VTI1A: variants seen among roughly 807,000 people sequenced by gnomAD.
VTI1A encodes vesicle transport through interaction with t-SNAREs 1A, also known as vesicle transport through interaction with t-SNAREs homolog 1A.
VTI1A carries 22 observed loss-of-function variants against 34.9 expected under a neutral mutation model. The observed-to-expected ratio is 0.63, with a 90% CI of 0.45 to 0.90. VTI1A has a LOEUF of 0.90. VTI1A is among the 40% of genes least tolerant of loss of function. The pLI, the probability that VTI1A is intolerant of heterozygous loss-of-function variation, is 0.00. For missense variants in VTI1A, 268 were observed against 275.6 expected (o/e 0.97, Z 0.20); for synonymous variants, 87 against 97.3 (o/e 0.89, Z 0.62).
At chr10:112,549,019 T>C in intron 5 of VTI1A, 1 of 600,086 alleles carries the variant, frequency 1.7e-6, no homozygotes, top group Admixed American at 2.9e-5. Context: ...ATATTTTGAG[T>C]GTTCACTGTG....
intron 7 of VTI1A, among the ~76,000 whole-genome samples, chr10:112,720,241 C>T (rs1564898536): frequency 6.6e-6 from 1 of 152,218 alleles, no homozygotes; most frequent in Non-Finnish European, 1.5e-5. Flanking sequence ...AGTAGAATTG[C>T]TGGGTCATGT....
At chr10:112,770,691 C>G (rs929281037) in intron 7 of VTI1A, among the ~76,000 whole-genome samples, 6 of 152,054 alleles carry the variant, frequency 3.9e-5, no homozygotes, top group Non-Finnish European at 7.4e-5. Context: ...CAGGCTTGAG[C>G]CACGGCACCT....
chr10:112,624,819 G>T (rs1306823845), intron 5 of VTI1A, among the ~76,000 whole-genome samples: 1 of 152,132 alleles, frequency 6.6e-6, no homozygotes, highest in Non-Finnish European at 1.5e-5. Context: ...ATTAAGGGCC[G>T]GGCATGGTAG....
intron 7 of VTI1A, among the ~76,000 whole-genome samples, chr10:112,689,348 TGTTAAC>T (rs1249359715): frequency 6.6e-6 from 1 of 152,166 alleles, no homozygotes; most frequent in Non-Finnish European, 1.5e-5. Context: ...CCTGGTCATG[TGTTAAC>T]CAAGTGTAAT....
intron 5 of VTI1A, among the ~76,000 whole-genome samples, chr10:112,630,844 A>G (rs986913471): frequency 2.0e-5 from 3 of 152,174 alleles, no homozygotes; most frequent in Admixed American, 6.5e-5. Flanking sequence ...GAAGGCAGCC[A>G]AGTGCGGTGG....
intron 7 of VTI1A, among the ~76,000 whole-genome samples, chr10:112,708,636 G>T (rs909488756): frequency 1.3e-5 from 2 of 152,170 alleles, no homozygotes; most frequent in Non-Finnish European, 2.9e-5. Context: ...CAGTATCTTT[G>T]ACAGAAGCGA....
intron 3 of VTI1A, among the ~76,000 whole-genome samples, chr10:112,515,981 G>A (rs1052282900): frequency 2.6e-5 from 4 of 152,054 alleles, no homozygotes; most frequent in Non-Finnish European, 5.9e-5. Flanking sequence ...AAATTGCTGT[G>A]TTTTGTTTTT....
chr10:112,647,599 G>A (rs1358796229), intron 5 of VTI1A, among the ~76,000 whole-genome samples: 2 of 152,138 alleles, frequency 1.3e-5, no homozygotes, highest in Non-Finnish European at 2.9e-5. Flanking sequence ...TATGATATGT[G>A]TGGACTATAT....
At chr10:112,844,457 G>A in the VTI1A span, among the ~76,000 whole-genome samples, 2 of 152,202 alleles carry the variant, frequency 1.3e-5, no homozygotes, top group African/African-American at 2.4e-5. Flanking sequence ...TGGAGTCAGT[G>A]GTTCAATCTC....
chr10:112,654,014 A>G (rs921696372), intron 5 of VTI1A, among the ~76,000 whole-genome samples: 2 of 152,164 alleles, frequency 1.3e-5, no homozygotes, highest in Admixed American at 6.6e-5. Flanking sequence ...TAAATTCCCT[A>G]TTGTACTTAG....
At chr10:112,546,909 G>A (rs1851152722) in intron 5 of VTI1A, among the ~76,000 whole-genome samples, 1 of 152,036 alleles carries the variant, frequency 6.6e-6, no homozygotes. Context: ...TTTCTATGAA[G>A]GCTATCTCTT....
intron 3 of VTI1A, among the ~76,000 whole-genome samples, chr10:112,523,967 A>G (rs956984599): frequency 1.3e-5 from 2 of 152,134 alleles, no homozygotes; most frequent in African/African-American, 4.8e-5. Context: ...TAAATGCTTC[A>G]GTTTTATTAA....
At chr10:112,562,764 C>G (rs1475370729) in intron 5 of VTI1A, among the ~76,000 whole-genome samples, 2 of 151,968 alleles carry the variant, frequency 1.3e-5, no homozygotes, top group East Asian at 3.9e-4. Flanking sequence ...CTATTCCTTC[C>G]CTGAGGCTGA....
intron 5 of VTI1A, among the ~76,000 whole-genome samples, chr10:112,643,876 A>G (rs1846674803): frequency 6.6e-6 from 1 of 152,124 alleles, no homozygotes; most frequent in South Asian, 2.1e-4. Context: ...TTCGTTTACT[A>G]TTTCAATAGT....
chr10:112,620,074 A>G (rs1845670817), intron 5 of VTI1A, among the ~76,000 whole-genome samples: 1 of 152,208 alleles, frequency 6.6e-6, no homozygotes, highest in Non-Finnish European at 1.5e-5. Context: ...GTGACAGGTA[A>G]AAGCACACTA....
chr10:112,685,027 A>C (rs567326962), intron 7 of VTI1A, among the ~76,000 whole-genome samples: 1 of 152,304 alleles, frequency 6.6e-6, no homozygotes, highest in Non-Finnish European at 1.5e-5. Context: ...AAAATAGACC[A>C]ATTTATGATA....
At chr10:112,640,357 T>C (rs1057460382) in intron 5 of VTI1A, among the ~76,000 whole-genome samples, 2 of 152,174 alleles carry the variant, frequency 1.3e-5, no homozygotes, top group African/African-American at 4.8e-5. Flanking sequence ...AACTACCCAA[T>C]TTATCAGAAA....
intron 3 of VTI1A, among the ~76,000 whole-genome samples, chr10:112,513,510 T>C (rs1849681492): frequency 6.6e-6 from 1 of 152,016 alleles, no homozygotes; most frequent in African/African-American, 2.4e-5. Flanking sequence ...CTTCCTTTTC[T>C]GTTAGGATTC....
At chr10:112,730,052 A>C (rs1320498814) in intron 7 of VTI1A, among the ~76,000 whole-genome samples, 1 of 152,242 alleles carries the variant, frequency 6.6e-6, no homozygotes, top group Non-Finnish European at 1.5e-5. Flanking sequence ...CTGGAGCTGA[A>C]TCTCACTGAC....
Sources: allele counts gnomAD v4.1 joint callset (sites outside exome capture counted in the v4.1 genomes callset), GRCh38; gene constraint gnomAD v4.1.1; transcripts MANE v1.5; gene names NCBI Gene and HGNC (gene_info 2026-07-23, HGNC 2026-07-21).